The following DEPTOR variants were observed in gnomAD, a reference collection of about 807,000 sequenced individuals.
DEPTOR encodes DEP domain-containing mTOR-interacting protein.
Under a neutral mutation model 41.6 loss-of-function variants are expected in DEPTOR, and 41 were observed. That is an observed-to-expected ratio of 0.98 (90% CI 0.77 to 1.28). The LOEUF (loss-of-function observed/expected upper bound fraction) is 1.28. Ranked by LOEUF, DEPTOR falls within the 50% of genes most tolerant of loss-of-function variation. The probability of loss-of-function intolerance (pLI) is 0.00; values close to 1 mark genes in which losing one functional copy is unlikely to be tolerated. For synonymous variants in DEPTOR, 195 were observed against 192.3 expected (o/e 1.01, Z -0.12); for missense variants, 514 against 527.9 (o/e 0.97, Z 0.26).
chr8:120,036,900 G>A (rs975176627), intron 8 of DEPTOR, among the ~76,000 whole-genome samples: 5 of 152,208 alleles, frequency 3.3e-5, no homozygotes, highest in Non-Finnish European at 7.3e-5. Flanking sequence ...TATGCTGATT[G>A]TTTATAGTAG....
intron 1 of DEPTOR, among the ~76,000 whole-genome samples, chr8:119,920,991 T>G (rs5894507): frequency 6.6e-6 from 1 of 150,954 alleles, no homozygotes; most frequent in African/African-American, 2.4e-5. Flanking sequence ...TTTTTTTTTT[T>G]TTTGAGACAG....
intron 3 of DEPTOR, among the ~76,000 whole-genome samples, chr8:119,961,187 C>T (rs1267056497): frequency 6.6e-6 from 1 of 151,920 alleles, no homozygotes; most frequent in Non-Finnish European, 1.5e-5. Flanking sequence ...GAGGCTGAGG[C>T]GGGTGGATCA....
At chr8:119,977,248 C>G (rs12678916) in intron 4 of DEPTOR, among the ~76,000 whole-genome samples, 4 of 152,050 alleles carry the variant, frequency 2.6e-5, no homozygotes, top group South Asian at 4.1e-4. Context: ...AGTGATCCGC[C>G]CGCCCTAGCC....
intron 1 of DEPTOR, among the ~76,000 whole-genome samples, chr8:119,885,816 G>A (rs148435116): frequency 0.024 from 3,609 of 152,156 alleles, 66 homozygotes; most frequent in Non-Finnish European, 0.032. Flanking sequence ...TTTATCACAT[G>A]ACTATCCATC....
chr8:120,007,461 C>G (rs1378201008), intron 7 of DEPTOR, among the ~76,000 whole-genome samples: 1 of 152,084 alleles, frequency 6.6e-6, no homozygotes, highest in Non-Finnish European at 1.5e-5. Context: ...GGACCACCTG[C>G]CCCTTCTTGG....
rs572584931 is a variant in DEPTOR, at chr8:119,917,752, G to A, written c.123-10648G>A. Among the ~76,000 whole-genome samples, 373 of 152,268 alleles carry A rather than the reference G, an allele frequency of 2.4e-3. 2 individuals are homozygous for A. Among genetic ancestry groups the A allele is most frequent in the African/African-American group, 8.0e-3 (332 of 41,546 alleles). On this transcript the variant is annotated intron_variant, in intron 1 of 8. Coordinates refer to ENST00000286234, the MANE Select transcript of DEPTOR (RefSeq NM_022783.4). ...TGAGGAGGATTAGTAAAAGAGGAAG[G>A]AACGCCTCTTTGCAGTTGAGACAGG...
chr8:120,001,379 C>T (rs1563588057), intron 4 of DEPTOR, 146 bp from the exon 5 acceptor site: 4 of 658,064 alleles, frequency 6.1e-6, no homozygotes, highest in Non-Finnish European at 9.4e-6. Flanking sequence ...GAACCATGGG[C>T]GGATGGGCGG....
At chr8:119,974,196 C>T (rs540124861) in intron 4 of DEPTOR, among the ~76,000 whole-genome samples, 34 of 116,338 alleles carry the variant, frequency 2.9e-4, no homozygotes, top group African/African-American at 1.0e-3. Flanking sequence ...GACAGGAGTT[C>T]GGGACCAGCC....
chr8:119,954,531 C>T (rs1828393436), intron 3 of DEPTOR, among the ~76,000 whole-genome samples: 1 of 152,118 alleles, frequency 6.6e-6, no homozygotes, highest in African/African-American at 2.4e-5. Flanking sequence ...ATCTTTTTGA[C>T]CTAAGCCCCA....
intron 8 of DEPTOR, among the ~76,000 whole-genome samples, chr8:120,046,833 A>G (rs1305600896): frequency 6.6e-6 from 1 of 152,106 alleles, no homozygotes; most frequent in African/African-American, 2.4e-5. Context: ...GTGGCCATAG[A>G]TCAGGGACCA....
chr8:119,979,602 C>T (rs1411378342), intron 4 of DEPTOR, among the ~76,000 whole-genome samples: 1 of 152,034 alleles, frequency 6.6e-6, no homozygotes, highest in Non-Finnish European at 1.5e-5. Context: ...CTTTTTTCTC[C>T]TCTGAGTGAT....
chr8:120,049,700 G>T lies in DEPTOR; in HGVS notation c.1226G>T (p.Cys409Phe), dbSNP rs770274802. Residue 409 changes from cysteine (C) to phenylalanine (F), a missense_variant, in exon 9 of 9, where the codon TGC (cysteine) becomes TTC (phenylalanine). Transcript: ENST00000286234. The stretch of plus-strand genomic sequence containing the variant: ...ATGGAAGTCATGGAGGAGTTAGAGT[G>T]CTGAGCTCCTGGGCCTCCCAGCCCT... Reference protein sequence around the residue: ...IVMEVMEELEC With the variant: ...IVMEVMEELEF 9.9e-6 allele frequency: 16 copies of T among 1,613,832 alleles called. No individual in the cohort carries two copies. The highest frequency in any genetic ancestry group is 1.4e-5 in the Non-Finnish European group (16 of 1,179,806).
intron 3 of DEPTOR, among the ~76,000 whole-genome samples, chr8:119,958,100 A>G (rs1014140033): frequency 1.3e-5 from 2 of 152,220 alleles, no homozygotes; most frequent in African/African-American, 4.8e-5. Flanking sequence ...AAGTCATACT[A>G]AGATTTAGCA....
At chr8:119,907,653 C>T (rs773114508) in intron 1 of DEPTOR, among the ~76,000 whole-genome samples, 11 of 152,010 alleles carry the variant, frequency 7.2e-5, no homozygotes, top group Non-Finnish European at 1.3e-4. Flanking sequence ...ATTAGCGGGG[C>T]GTGGTGGCGC....
chr8:119,896,733 T>C (rs1298861911), intron 1 of DEPTOR, among the ~76,000 whole-genome samples: 1 of 152,064 alleles, frequency 6.6e-6, no homozygotes, highest in Non-Finnish European at 1.5e-5. Flanking sequence ...CCTGACCTCA[T>C]GCAATCCTCC....
At chr8:120,030,497 GTT>G (rs1171655489) in intron 8 of DEPTOR, among the ~76,000 whole-genome samples, 4,416 of 45,416 alleles carry the variant, frequency 0.097, 126 homozygotes, top group African/African-American at 0.18. Context: ...AGGTTCATCA[GTT>G]TTTTTTTTTT....
chr8:119,941,707 G>C lies in DEPTOR; in HGVS notation c.425+11769G>C, dbSNP rs550789405. On this transcript the variant is annotated intron_variant, in intron 3 of 8. Transcript: ENST00000286234. ...AGAACTTTACAAGTATCTTCTAAAA[G>C]CTTCGTTCTAAACCAAGAAGATAAA... 2.6e-5 allele frequency among the ~76,000 whole-genome samples: 4 copies of C among 152,262 alleles called. No individual in the cohort carries two copies. In the South Asian group the frequency reaches 8.3e-4, roughly 32 times the overall value.
At chr8:119,965,837 T>A (rs1828551678) in intron 4 of DEPTOR, among the ~76,000 whole-genome samples, 1 of 152,158 alleles carries the variant, frequency 6.6e-6, no homozygotes, top group South Asian at 2.1e-4. Flanking sequence ...TCCTGAACCA[T>A]GATGTAAGCT....
At chr8:120,041,099 A>G (rs1220090656) in intron 8 of DEPTOR, among the ~76,000 whole-genome samples, 1 of 152,144 alleles carries the variant, frequency 6.6e-6, no homozygotes, top group Non-Finnish European at 1.5e-5. Flanking sequence ...ATTCTCCTTC[A>G]AGATCAGAAA....
Sources: gnomAD v4.1 joint callset for allele counts (sites outside exome capture counted in the v4.1 genomes callset) on GRCh38, gnomAD v4.1.1 for gene constraint, MANE v1.5 for transcripts, NCBI Gene and HGNC (gene_info 2026-07-23, HGNC 2026-07-21) for gene names.